Variants in R3HDM2 observed in about 807,000 individuals in gnomAD.
R3HDM2 encodes the protein R3H domain containing 2.
R3HDM2 carries 38 observed loss-of-function variants against 124.5 expected under a neutral mutation model. That is an observed-to-expected ratio of 0.31 (90% CI 0.24 to 0.40). R3HDM2 has a LOEUF of 0.40. R3HDM2 is among the 10% of genes least tolerant of loss of function. R3HDM2 has a pLI of 1.00. For synonymous variants in R3HDM2, 391 were observed against 448.0 expected, an observed-to-expected ratio of 0.87 and a Z score of 1.61; for missense variants, 869 against 1,236.9, an observed-to-expected ratio of 0.70 and a Z score of 4.46.
At chr12:57,359,096 T>G (rs754185127) in intron 2 of R3HDM2, among the ~76,000 whole-genome samples, 2 of 152,068 alleles carry the variant, frequency 1.3e-5, no homozygotes, top group Non-Finnish European at 2.9e-5. Context: ...TTTTGTATTT[T>G]TAGTAGAGGC....
In R3HDM2 at chr12:57,283,806, GA is replaced by G; in HGVS notation, c.1171+17del. Reference sequence around the variant, plus strand: ...AAGAAGGGATGGGTATGACATGGAAGAAAAGAAGCTGTAATACCTGGCCTGG... The same window carrying G: ...AAGAAGGGATGGGTATGACATGGAAGAAAGAAGCTGTAATACCTGGCCTGG... On this transcript the variant is annotated intron_variant, in intron 13 of 23. Coordinates refer to ENST00000402412, the MANE Select transcript of R3HDM2 (RefSeq NM_001394031.1). 1 of 1,609,382 alleles carries G rather than the reference GA, an allele frequency of 6.2e-7. No individual in the cohort carries two copies. Among genetic ancestry groups the G allele is most frequent in the Non-Finnish European group, 8.5e-7 (1 of 1,175,668 alleles).
At position 57,404,262 on chromosome 12, in the gene R3HDM2, C is replaced by A. The variant is rs569159219; in HGVS notation, c.-105-8444G>T. The stretch of plus-strand genomic sequence containing the variant: ...TATTTTTAGTAGAGATGGGGTTTCT[C>A]CATGTTGGTCAGGCTGGTCTCGAAC... On this transcript the variant is annotated intron_variant, in intron 1 of 23. Transcript: ENST00000402412. Among the ~76,000 whole-genome samples, 536 of 150,880 alleles carry A rather than the reference C, an allele frequency of 3.6e-3. 2 individuals carry two copies. Among genetic ancestry groups the A allele is most frequent in the African/African-American group, 0.012 (499 of 41,452 alleles).
chr12:57,314,924 C>T (rs754826691), intron 2 of R3HDM2, among the ~76,000 whole-genome samples: 1 of 152,098 alleles, frequency 6.6e-6, no homozygotes, highest in Non-Finnish European at 1.5e-5. Context: ...GTGGCATGAT[C>T]GTGGCCCACT....
At chr12:57,395,212 T>TA (rs993591886) in intron 2 of R3HDM2, among the ~76,000 whole-genome samples, 3 of 148,590 alleles carry the variant, frequency 2.0e-5, no homozygotes, top group Non-Finnish European at 4.5e-5. Context: ...CAAAAAAAAT[T>TA]AAAAAAAATT....
At chr12:57,256,366 T>G in intron 22 of R3HDM2, 48 bp downstream of exon 22, 4 of 1,426,692 alleles carry the variant, frequency 2.8e-6, no homozygotes, top group South Asian at 2.6e-5. Flanking sequence ...GGCACCCAAA[T>G]AAGAAGAGGG....
intron 2 of R3HDM2, among the ~76,000 whole-genome samples, chr12:57,364,662 A>C (rs2062380924): frequency 6.6e-6 from 1 of 151,784 alleles, no homozygotes; most frequent in Non-Finnish European, 1.5e-5. Context: ...CCTCTTCTTA[A>C]AAGGACACCA....
At chr12:57,264,393 TAAAAAAA>T in intron 19 of R3HDM2, among the ~76,000 whole-genome samples, 1 of 102,534 alleles carries the variant, frequency 9.8e-6, no homozygotes, top group South Asian at 3.3e-4. Context: ...CTGCCTCTAC[TAAAAAAA>T]AAAAAAAAAA....
chr12:57,405,141 C>T (rs1279170684), intron 1 of R3HDM2, among the ~76,000 whole-genome samples: 1 of 152,076 alleles, frequency 6.6e-6, no homozygotes, highest in Non-Finnish European at 1.5e-5. Context: ...AATCTTCCCA[C>T]CTCAGCCTCC....
intron 2 of R3HDM2, among the ~76,000 whole-genome samples, chr12:57,317,430 C>T (rs922017134): frequency 1.3e-5 from 2 of 151,874 alleles, no homozygotes; most frequent in African/African-American, 4.8e-5. Flanking sequence ...AGCAATCCAC[C>T]CGCCTTGGCC....
intron 2 of R3HDM2, among the ~76,000 whole-genome samples, chr12:57,386,608 C>G (rs868257507): frequency 6.6e-6 from 1 of 152,354 alleles, no homozygotes. Context: ...GCCCCCTGCT[C>G]CACCGCGCCC....
At chr12:57,424,903 A>G (rs565543388) in intron 1 of R3HDM2, among the ~76,000 whole-genome samples, 147 of 152,338 alleles carry the variant, frequency 9.6e-4, no homozygotes, top group African/African-American at 3.2e-3. Flanking sequence ...CACGTAAAAC[A>G]AAGTTTTGAC....
In R3HDM2 at chr12:57,348,711, A is replaced by G. The variant is rs2060317248; in HGVS notation, c.-35-38248T>C. Among the ~76,000 whole-genome samples, 4 of 44,068 alleles carry G rather than the reference A, an allele frequency of 9.1e-5. 1 individual carries two copies. Among genetic ancestry groups the G allele is most frequent in the South Asian group, 2.6e-3 (1 of 386 alleles). 28.9% of individuals were successfully genotyped at this position (44,068 alleles called of 152,430 possible). A position where few individuals can be genotyped will look rare whatever the true frequency, so the allele number is the denominator to read the frequency against. ...TCCGTCTCAAAAAAAAAAAAAAAAA[A>G]AAAAAAAAAAGAGAGAGAAAAATTA... is the stretch of plus-strand genomic sequence containing the variant. On this transcript the variant is annotated intron_variant, in intron 2 of 23. Transcript: ENST00000402412.
chr12:57,387,397 G>A (rs1443801817), intron 2 of R3HDM2, among the ~76,000 whole-genome samples: 1 of 152,010 alleles, frequency 6.6e-6, no homozygotes, highest in Non-Finnish European at 1.5e-5. Flanking sequence ...ACAAACTCCA[G>A]ACACACCGCC....
intron 2 of R3HDM2, among the ~76,000 whole-genome samples, chr12:57,372,130 G>A (rs1223559619): frequency 7.9e-5 from 12 of 152,152 alleles, no homozygotes; most frequent in Non-Finnish European, 8.8e-5. Flanking sequence ...GACTCTCAAA[G>A]TGCTGGGATT....
chr12:57,412,358 AT>A (rs2069085318), intron 1 of R3HDM2, among the ~76,000 whole-genome samples: 1 of 151,818 alleles, frequency 6.6e-6, no homozygotes. Context: ...CCTGACCAAC[AT>A]TGTGAAACCT....
chr12:57,385,132 C>G (rs1471921534), intron 2 of R3HDM2, among the ~76,000 whole-genome samples: 1 of 151,074 alleles, frequency 6.6e-6, no homozygotes, highest in African/African-American at 2.4e-5. Flanking sequence ...CCAGCCTGGG[C>G]AACAGAGTGA....
intron 2 of R3HDM2, among the ~76,000 whole-genome samples, chr12:57,321,703 T>C (rs1337489115): frequency 1.3e-5 from 2 of 151,868 alleles, no homozygotes; most frequent in East Asian, 1.9e-4. Context: ...AAAACTACTA[T>C]GATAAATTAA....
At chr12:57,317,140 T>A (rs2055222388) in intron 2 of R3HDM2, among the ~76,000 whole-genome samples, 1 of 151,816 alleles carries the variant, frequency 6.6e-6, no homozygotes, top group African/African-American at 2.4e-5. Context: ...CCTCAGCCTC[T>A]CAAAGCGATT....
chr12:57,336,623 T>C (rs73342107), intron 2 of R3HDM2, among the ~76,000 whole-genome samples: 469 of 152,130 alleles, frequency 3.1e-3, no homozygotes, highest in African/African-American at 0.011. Context: ...TAAGAACTTG[T>C]GGACACAAAG....
Sources: allele counts gnomAD v4.1 joint callset (sites outside exome capture counted in the v4.1 genomes callset), GRCh38; gene constraint gnomAD v4.1.1; transcripts MANE v1.5; gene names NCBI Gene and HGNC (gene_info 2026-07-23, HGNC 2026-07-21).